Variants in RXYLT1 observed in about 807,000 individuals in gnomAD.
RXYLT1 encodes the protein ribitol-5-phosphate xylosyltransferase 1.
Under a neutral mutation model 43.5 loss-of-function variants are expected in RXYLT1, and 41 were observed. That is an observed-to-expected ratio of 0.94 (90% CI 0.73 to 1.22). The LOEUF (loss-of-function observed/expected upper bound fraction) is 1.22. RXYLT1 is among the 50% of genes most tolerant of loss of function. RXYLT1 has a pLI of 0.00. For missense variants in RXYLT1, 514 were observed against 532.0 expected (o/e 0.97, Z 0.33); for synonymous variants, 166 against 194.4 (o/e 0.85, Z 1.21).
At chr12:63,801,210 T>G (rs1195207095) in intron 3 of RXYLT1, among the ~76,000 whole-genome samples, 2 of 152,040 alleles carry the variant, frequency 1.3e-5, no homozygotes, top group East Asian at 3.8e-4. Context: ...TGACTGTACT[T>G]TCAAGTTTAT....
Position 63,802,322 on chromosome 12 carries a change from C to G in RXYLT1, c.660C>G (p.Gly220=), listed in dbSNP as rs1316789345. The part of the protein sequence containing the change: ...WINPFLKRNG[G]FVELLFIIYD... ...ACCCATTCCTCAAAAGAAATGGAGG[C>G]TTCGTGGAGCTGCTTTTCATAATAT... Residue 220 remains glycine (G), a synonymous_variant, in exon 4 of 6, where the codon GGC becomes GGG. Coordinates refer to ENST00000261234, the MANE Select transcript of RXYLT1 (RefSeq NM_014254.3). 6.2e-7 allele frequency: 1 copy of G among 1,612,690 alleles called. No individual in the cohort carries two copies. The highest frequency in any genetic ancestry group is 8.5e-7 in the Non-Finnish European group (1 of 1,178,962).
chr12:63,784,600 A>G (rs1897759160), intron 2 of RXYLT1, among the ~76,000 whole-genome samples: 1 of 152,246 alleles, frequency 6.6e-6, no homozygotes, highest in South Asian at 2.1e-4. Context: ...CCAATCTGTT[A>G]TAAAAGCAGT....
intron 5 of RXYLT1, chr12:63,806,441 C>T (rs1311644903): frequency 6.6e-6 from 1 of 152,202 alleles, no homozygotes; most frequent in African/African-American, 2.4e-5. Flanking sequence ...TACATTTATG[C>T]ACAGGCCTTA....
At chr12:63,796,286 G>A (rs575004806) in intron 3 of RXYLT1, among the ~76,000 whole-genome samples, 3 of 152,120 alleles carry the variant, frequency 2.0e-5, no homozygotes, top group Non-Finnish European at 4.4e-5. Flanking sequence ...AAACAACATC[G>A]TGTCATCCTC....
intron 5 of RXYLT1, chr12:63,806,268 A>C (rs1343766352): frequency 1.3e-5 from 2 of 152,236 alleles, no homozygotes; most frequent in African/African-American, 4.8e-5. Flanking sequence ...CTGGCACTTA[A>C]ATGCTTGTTG....
At position 63,786,943 on chromosome 12, in the gene RXYLT1, G is replaced by A. The variant is rs183662517; in HGVS notation, c.428+1871G>A. 1.4e-4 allele frequency among the ~76,000 whole-genome samples: 21 copies of A among 152,042 alleles called. No individual in the cohort carries two copies. The East Asian group carries it at 3.5e-3, about 25-fold the overall frequency. On this transcript the variant is annotated intron_variant, in intron 3 of 5. Transcript: ENST00000261234. Reference sequence around the variant, plus strand: ...AACCTGGCTATCATCGTGAAACCCCGTCTCTACTAAAGATACAAAAATTGG... The same window carrying A: ...AACCTGGCTATCATCGTGAAACCCCATCTCTACTAAAGATACAAAAATTGG...
At chr12:63,804,007 C>T (rs1462922508) in intron 4 of RXYLT1, 1 of 152,166 alleles carries the variant, frequency 6.6e-6, no homozygotes, top group Non-Finnish European at 1.5e-5. Context: ...GTGGGCATCA[C>T]CACTCCTGGC....
intron 2 of RXYLT1, 35 bp downstream of exon 2, chr12:63,781,209 G>A: frequency 7.2e-7 from 1 of 1,393,130 alleles, no homozygotes; most frequent in East Asian, 2.7e-5. Context: ...CATGTAAAAA[G>A]CATTATAAAA....
At chr12:63,800,343 T>C (rs1898131944) in intron 3 of RXYLT1, among the ~76,000 whole-genome samples, 1 of 152,192 alleles carries the variant, frequency 6.6e-6, no homozygotes, top group Non-Finnish European at 1.5e-5. Flanking sequence ...GTTGAACAAA[T>C]GTTTTTATCC....
At chr12:63,799,302 CTTTTTTTTTTTT>C (rs11312130) in intron 3 of RXYLT1, among the ~76,000 whole-genome samples, 3 of 71,632 alleles carry the variant, frequency 4.2e-5, no homozygotes, top group Non-Finnish European at 2.6e-5. Flanking sequence ...CTTTTCTTTT[CTTTTTTTTTTTT>C]TTTTTTTTTT....
chr12:63,792,452 T>G (rs1021220158), intron 3 of RXYLT1, among the ~76,000 whole-genome samples: 1 of 152,220 alleles, frequency 6.6e-6, no homozygotes, highest in African/African-American at 2.4e-5. Flanking sequence ...CTCTTATGCC[T>G]CTTCAAAGAT....
chr12:63,800,792 C>T (rs958226874), intron 3 of RXYLT1, among the ~76,000 whole-genome samples: 1 of 151,810 alleles, frequency 6.6e-6, no homozygotes, highest in Admixed American at 6.6e-5. Context: ...CATGGTGGCA[C>T]GCACCTGCAG....
intron 4 of RXYLT1, among the ~76,000 whole-genome samples, chr12:63,802,783 A>G (rs1441085140): frequency 6.6e-6 from 1 of 152,102 alleles, no homozygotes; most frequent in South Asian, 2.1e-4. Context: ...TCAGGAATAT[A>G]CCGTACCATT....
chr12:63,792,124 T>C (rs980397192), intron 3 of RXYLT1, among the ~76,000 whole-genome samples: 1 of 152,138 alleles, frequency 6.6e-6, no homozygotes, highest in Non-Finnish European at 1.5e-5. Context: ...AGTCAGGGGA[T>C]TTTTATTTTT....
chr12:63,786,722 T>C (rs1897810874), intron 3 of RXYLT1, among the ~76,000 whole-genome samples: 1 of 152,140 alleles, frequency 6.6e-6, no homozygotes, highest in Admixed American at 6.5e-5. Flanking sequence ...AACAATGAAG[T>C]TTGCCACATC....
intron 5 of RXYLT1, chr12:63,806,181 C>G (rs1032230132): frequency 6.6e-6 from 1 of 152,150 alleles, no homozygotes; most frequent in Non-Finnish European, 1.5e-5. Flanking sequence ...TCAGTGTTTA[C>G]CAAGCAATTG....
At chr12:63,786,959 C>T (rs1897816919) in intron 3 of RXYLT1, among the ~76,000 whole-genome samples, 1 of 152,054 alleles carries the variant, frequency 6.6e-6, no homozygotes, top group Non-Finnish European at 1.5e-5. Context: ...ACTAAAGATA[C>T]AAAAATTGGC....
In RXYLT1 at chr12:63,809,086, AAGTT is replaced by A. The variant is rs2136235452; in HGVS notation, c.1328_1331del (p.Ser443AsnfsTer11). On this transcript the variant is annotated frameshift_variant and stop_lost, in exon 6 of 6. Transcript: ENST00000261234. LOFTEE classifies it high-confidence loss of function. ...AAAGCTCATTTTTAATGAATAATAA[AAGTT>A]AATTATCTTTTTGAGCTAACATGTG... is the stretch of plus-strand genomic sequence containing the variant. 1 of 1,506,660 alleles carries A rather than the reference AAGTT, an allele frequency of 6.6e-7. No homozygotes were observed. Among genetic ancestry groups the A allele is most frequent in the Non-Finnish European group, 9.0e-7 (1 of 1,115,180 alleles). The allele number at this position is 1,506,660 out of a possible 1,614,324, so 93.3% of individuals were successfully genotyped here.
In RXYLT1 at chr12:63,785,078, G is replaced by A. The variant is rs767047765; in HGVS notation, c.428+6G>A. Reference sequence around the variant, plus strand: ...GTAGGAAGAACACAGTACAGGTATTGGTTGTATTAGTTGTGCAACATTAAC... The same window carrying A: ...GTAGGAAGAACACAGTACAGGTATTAGTTGTATTAGTTGTGCAACATTAAC... On this transcript the variant is annotated splice_donor_region_variant and intron_variant, in intron 3 of 5. Transcript: ENST00000261234. The A allele has an allele frequency of 6.3e-7, 1 of 1,598,804 alleles. No individual in the cohort carries two copies. The highest frequency in any genetic ancestry group is 8.5e-7 in the Non-Finnish European group (1 of 1,170,462).
Sources: allele counts gnomAD v4.1 joint callset (sites outside exome capture counted in the v4.1 genomes callset), GRCh38; gene constraint gnomAD v4.1.1; transcripts MANE v1.5; gene names NCBI Gene and HGNC (gene_info 2026-07-23, HGNC 2026-07-21).